The following ULK4 variants were observed in gnomAD, a reference collection of about 807,000 sequenced individuals.
The protein encoded by ULK4 is inactive serine/threonine-protein kinase ULK4.
In ULK4, 133 loss-of-function variants were observed where a neutral mutation model predicts 160.6. The ratio of observed to expected loss-of-function variants is 0.83; its 90% CI spans 0.72 to 0.96. The LOEUF (loss-of-function observed/expected upper bound fraction) is 0.96. ULK4 is among the 40% of genes least tolerant of loss of function. ULK4 has a pLI of 0.00. For synonymous variants in ULK4, 534 were observed against 539.8 expected (o/e 0.99, Z 0.15); for missense variants, 1,580 against 1,499.5 (o/e 1.05, Z -0.89).
At chr3:41,651,186 C>T (rs1257623945) in intron 30 of ULK4, among the ~76,000 whole-genome samples, 1 of 152,148 alleles carries the variant, frequency 6.6e-6, no homozygotes, top group Non-Finnish European at 1.5e-5. Flanking sequence ...TCTCAGCAGC[C>T]CTGGATATTG....
chr3:41,258,180 CCTT>C (rs1411677412), intron 35 of ULK4, among the ~76,000 whole-genome samples: 2 of 152,138 alleles, frequency 1.3e-5, no homozygotes, highest in African/African-American at 2.4e-5. Flanking sequence ...TGGCCTTTAA[CCTT>C]CTATTTTCTC....
chr3:41,682,300 C>T (rs150261077), intron 27 of ULK4, among the ~76,000 whole-genome samples: 4 of 152,154 alleles, frequency 2.6e-5, no homozygotes, highest in African/African-American at 9.7e-5. Context: ...ATACAAACCA[C>T]CCCTGTGAGT....
At chr3:41,623,209 C>T (rs182995198) in intron 30 of ULK4, among the ~76,000 whole-genome samples, 3 of 152,202 alleles carry the variant, frequency 2.0e-5, no homozygotes, top group Non-Finnish European at 2.9e-5. Context: ...TAAATGCTCA[C>T]GGATAGAAAG....
At chr3:41,464,384 GC>G (rs1368254326) in intron 32 of ULK4, among the ~76,000 whole-genome samples, 5 of 152,130 alleles carry the variant, frequency 3.3e-5, no homozygotes, top group Admixed American at 6.5e-5. Context: ...TCACACAACT[GC>G]TAAGATGCTT....
chr3:41,784,270 A>C (rs552708661), intron 21 of ULK4, among the ~76,000 whole-genome samples: 1 of 152,072 alleles, frequency 6.6e-6, no homozygotes, highest in South Asian at 2.1e-4. Context: ...CCCCATCTCT[A>C]CTAAAAACAC....
chr3:41,255,615 A>G (rs1311011549), intron 35 of ULK4, among the ~76,000 whole-genome samples: 2 of 74,210 alleles, frequency 2.7e-5, no homozygotes, highest in African/African-American at 5.9e-5. Flanking sequence ...CTATAATCGT[A>G]ACTAGAGGTA....
At chr3:41,664,887 C>A (rs980833102) in intron 29 of ULK4, among the ~76,000 whole-genome samples, 1 of 152,086 alleles carries the variant, frequency 6.6e-6, no homozygotes, top group East Asian at 1.9e-4. Flanking sequence ...ATTTCCACAA[C>A]AAAATTTTCC....
At chr3:41,733,162 C>A (rs1287417926) in intron 22 of ULK4, among the ~76,000 whole-genome samples, 2 of 151,942 alleles carry the variant, frequency 1.3e-5, no homozygotes, top group African/African-American at 2.4e-5. Flanking sequence ...ATGCTATATA[C>A]CCTAATTTGA....
chr3:41,486,048 T>C lies in ULK4; in HGVS notation c.3227-22795A>G, dbSNP rs79295069. ...TTCCTTGGTTTGCTGGACACCTCAC[T>C]CTTCTGGGTTTCCTCCCTGAACATT... On this transcript the variant is annotated intron_variant, in intron 32 of 36. Coordinates refer to ENST00000301831, the MANE Select transcript of ULK4 (RefSeq NM_017886.4). 2.5e-3 allele frequency among the ~76,000 whole-genome samples: 386 copies of C among 152,320 alleles called. 5 individuals are homozygous for C. Among genetic ancestry groups the C allele is most frequent in the South Asian group, 3.3e-3 (16 of 4,832 alleles).
At chr3:41,923,748 C>A (rs1177375985) in intron 5 of ULK4, among the ~76,000 whole-genome samples, 2 of 152,150 alleles carry the variant, frequency 1.3e-5, no homozygotes, top group Non-Finnish European at 2.9e-5. Flanking sequence ...GGGACCAGAC[C>A]GTGGAACCTG....
intron 27 of ULK4, among the ~76,000 whole-genome samples, chr3:41,689,279 G>C (rs1361643285): frequency 1.3e-5 from 2 of 152,168 alleles, no homozygotes; most frequent in African/African-American, 4.8e-5. Flanking sequence ...ACCCACCAGT[G>C]TAAGTCATAG....
chr3:41,802,273 G>T (rs895361457), intron 19 of ULK4, among the ~76,000 whole-genome samples: 13 of 152,070 alleles, frequency 8.5e-5, no homozygotes, highest in African/African-American at 3.1e-4. Flanking sequence ...CTTAATTTTT[G>T]AGCCTATTTT....
chr3:41,793,036 G>A (rs114278425), intron 20 of ULK4, among the ~76,000 whole-genome samples: 1,810 of 152,276 alleles, frequency 0.012, 35 homozygotes, highest in African/African-American at 0.039. Context: ...AGCCGCACCT[G>A]CTGGCGGGTG....
intron 35 of ULK4, among the ~76,000 whole-genome samples, chr3:41,257,839 A>G (rs1200143630): frequency 2.6e-5 from 4 of 152,188 alleles, no homozygotes; most frequent in African/African-American, 9.6e-5. Flanking sequence ...GTCGTCATGC[A>G]TTACTTGGAA....
At chr3:41,406,603 T>G (rs1347938423) in intron 34 of ULK4, among the ~76,000 whole-genome samples, 1 of 152,170 alleles carries the variant, frequency 6.6e-6, no homozygotes, top group East Asian at 1.9e-4. Flanking sequence ...TTAAGGTAAA[T>G]ATTGGGGGAC....
At chr3:41,258,424 G>C (rs930957392) in intron 35 of ULK4, 2 of 152,162 alleles carry the variant, frequency 1.3e-5, no homozygotes, top group Non-Finnish European at 2.9e-5. Context: ...GATTACAGAC[G>C]TCAAGAGGGA....
chr3:41,248,621 A>G (rs1199388747), intron 36 of ULK4, among the ~76,000 whole-genome samples: 4 of 152,182 alleles, frequency 2.6e-5, no homozygotes. Flanking sequence ...AATTAATAAC[A>G]AACCCAAAGC....
chr3:41,322,353 G>C (rs1309063811), intron 35 of ULK4, among the ~76,000 whole-genome samples: 11 of 151,958 alleles, frequency 7.2e-5, no homozygotes, highest in Middle Eastern at 3.2e-3. Context: ...TTTAATAAAC[G>C]TTCACTCCTG....
At chr3:41,700,709 A>G (rs2036644608) in intron 27 of ULK4, among the ~76,000 whole-genome samples, 1 of 152,238 alleles carries the variant, frequency 6.6e-6, no homozygotes, top group African/African-American at 2.4e-5. Flanking sequence ...GAAAACAGGA[A>G]GATTTGGGCA....
Sources: allele counts gnomAD v4.1 joint callset (sites outside exome capture counted in the v4.1 genomes callset), GRCh38; gene constraint gnomAD v4.1.1; transcripts MANE v1.5; gene names NCBI Gene and HGNC (gene_info 2026-07-23, HGNC 2026-07-21).